Variants in NFIC observed in about 807,000 individuals in gnomAD.
The protein encoded by NFIC is nuclear factor 1 C-type.
In NFIC, 12 loss-of-function variants were observed where a neutral mutation model predicts 54.4. The ratio of observed to expected loss-of-function variants is 0.22; its 90% CI spans 0.14 to 0.36. The LOEUF (loss-of-function observed/expected upper bound fraction) is 0.36, where lower values mean the gene tolerates loss of function less well. Ranked by LOEUF, NFIC falls within the 10% of genes least tolerant of loss-of-function variation. NFIC has a pLI of 1.00. For synonymous variants in NFIC, 322 were observed against 319.2 expected, an observed-to-expected ratio of 1.01 and a Z score of -0.09; for missense variants, 575 against 718.2, an observed-to-expected ratio of 0.80 and a Z score of 2.28.
chr19:3,405,892 C>T (rs2081641235), intron 2 of NFIC, among the ~76,000 whole-genome samples: 1 of 150,174 alleles, frequency 6.7e-6, no homozygotes, highest in Non-Finnish European at 1.5e-5. Context: ...TGTGAGCCAC[C>T]GCGCCCGGCC....
chr19:3,408,153 C>T (rs933174308), intron 2 of NFIC, among the ~76,000 whole-genome samples: 9 of 151,984 alleles, frequency 5.9e-5, no homozygotes, highest in Admixed American at 2.6e-4. Context: ...CTCACGGTGG[C>T]GGCCGATGCT....
chr19:3,434,662 G>T (rs988582432), intron 5 of NFIC, among the ~76,000 whole-genome samples: 2 of 152,088 alleles, frequency 1.3e-5, no homozygotes, highest in East Asian at 1.9e-4. Context: ...CCACCCAGAA[G>T]AATGCAGACA....
At chr19:3,394,280 A>G (rs1171714218) in intron 2 of NFIC, among the ~76,000 whole-genome samples, 1 of 151,720 alleles carries the variant, frequency 6.6e-6, no homozygotes, top group Non-Finnish European at 1.5e-5. Context: ...GGAGTTTGAG[A>G]CCAGCCTGGC....
rs375318776 is a variant in NFIC, at chr19:3,449,129, C to G, written c.1074C>G (p.Ala358=). 1.2e-6 allele frequency: 2 copies of G among 1,613,124 alleles called. No homozygotes were observed. The highest frequency in any genetic ancestry group is 2.2e-5 in the East Asian group (1 of 44,852). Residue 358 remains alanine (A), a synonymous_variant, in exon 7 of 11, where the codon GCC becomes GCG. Coordinates refer to ENST00000443272, the MANE Select transcript of NFIC (RefSeq NM_001245002.2). ...CCCAGCACCACCGGCCCGTCATCGC[C>G]GTGCACAGCGGTAAGCGCCACGGGC... ...SFTQHHRPVI[A]VHSGIARSPH...
upstream of NFIC, chr19:3,366,556 C>CGG (rs1191836660): frequency 8.1e-6 from 4 of 493,186 alleles, no homozygotes; most frequent in Non-Finnish European, 1.2e-5. Context: ...TTGGGGGGGG[C>CGG]GGGGGGGTGG....
In NFIC at chr19:3,393,578, A is replaced by G. The variant is rs1341450091; in HGVS notation, c.562+11335A>G. On this transcript the variant is annotated intron_variant, in intron 2 of 10. Transcript: ENST00000443272. Reference sequence around the variant, plus strand: ...ACCTGTAATCCCAGCACTTTGGGAGACCGAGGAGGGCAGATCACTTGAGGT... The same window carrying G: ...ACCTGTAATCCCAGCACTTTGGGAGGCCGAGGAGGGCAGATCACTTGAGGT... 1.4e-4 allele frequency among the ~76,000 whole-genome samples: 21 copies of G among 151,794 alleles called. No individual in the cohort carries two copies. In the South Asian group the frequency reaches 3.6e-3, roughly 26 times the overall value.
Position 3,369,957 on chromosome 19 carries a change from C to T in NFIC, c.30+3291C>T, listed in dbSNP as rs998601104. ...GCTGCCATTTCTCCAGCAGGGTAAC[C>T]GAGGCTGGGAGAGGCTGTCCTCCCA... On this transcript the variant is annotated intron_variant, in intron 1 of 10. Transcript: ENST00000443272. This position sits in a 1 kb window ranked among gnomAD's most constrained non-coding sequence, Gnocchi z 4.3. 3.9e-5 allele frequency among the ~76,000 whole-genome samples: 6 copies of T among 152,192 alleles called. No homozygotes were observed. Among genetic ancestry groups the T allele is most frequent in the Non-Finnish European group, 7.3e-5 (5 of 68,028 alleles).
chr19:3,423,893 G>A (rs1289482848), intron 2 of NFIC, among the ~76,000 whole-genome samples: 3 of 152,232 alleles, frequency 2.0e-5, no homozygotes, highest in Admixed American at 6.5e-5. Context: ...GGGACGTGAC[G>A]TCTCCAGGAC....
chr19:3,456,529 C>G (rs755668673), intron 9 of NFIC, 21 bp from the exon 10 acceptor site: 1 of 1,550,520 alleles, frequency 6.4e-7, no homozygotes, highest in South Asian at 1.2e-5. Context: ...AACGGGCTCT[C>G]GGTCTCTCTC....
At chr19:3,422,369 A>C (rs2081965830) in intron 2 of NFIC, among the ~76,000 whole-genome samples, 2 of 150,382 alleles carry the variant, frequency 1.3e-5, no homozygotes, top group African/African-American at 4.9e-5. Context: ...CCACTGTGCC[A>C]CTGCCCCTGG....
At position 3,371,998 on chromosome 19, in the gene NFIC, C is replaced by CCTCCCT. The variant is rs1317268715; in HGVS notation, c.30+5335_30+5336insCCTCTC. On this transcript the variant is annotated intron_variant, in intron 1 of 10. Transcript: ENST00000443272. Reference sequence around the variant, plus strand: ...CTTTCTCTCTCTCTCCCTCTCTCTCCCTCTCTCTCTCTCTCTCTCTCTCTC... The same window carrying CCTCCCT: ...CTTTCTCTCTCTCTCCCTCTCTCTCCCTCCCTCTCTCTCTCTCTCTCTCTCTCTCTC... Among the ~76,000 whole-genome samples, 5 of 35,414 alleles carry CCTCCCT rather than the reference C, an allele frequency of 1.4e-4. No individual in the cohort carries two copies. In the East Asian group the frequency reaches 2.9e-3, roughly 20 times the overall value. The allele number at this position is 35,414 out of a possible 152,430, so 23.2% of individuals were successfully genotyped here. A position where few individuals can be genotyped will look rare whatever the true frequency, so the allele number is the denominator to read the frequency against.
chr19:3,439,967 C>T (rs1190097862), intron 6 of NFIC, among the ~76,000 whole-genome samples: 1 of 152,170 alleles, frequency 6.6e-6, no homozygotes, highest in East Asian at 1.9e-4. Flanking sequence ...GGATTACAGG[C>T]GTGAGCCACC....
chr19:3,372,899 C>T (rs899748204), intron 1 of NFIC, among the ~76,000 whole-genome samples: 1 of 151,718 alleles, frequency 6.6e-6, no homozygotes, highest in Admixed American at 6.6e-5. Flanking sequence ...GACTAGAGTG[C>T]AGTAGCACAA....
chr19:3,393,731 C>T (rs950283600), intron 2 of NFIC, among the ~76,000 whole-genome samples: 1 of 146,910 alleles, frequency 6.8e-6, no homozygotes, highest in Non-Finnish European at 1.5e-5. Flanking sequence ...ACAGGAGAAT[C>T]GCTTAAACCC....
intron 6 of NFIC, among the ~76,000 whole-genome samples, chr19:3,443,890 G>A (rs901547142): frequency 8.5e-5 from 13 of 152,312 alleles, no homozygotes; most frequent in Non-Finnish European, 1.8e-4. Context: ...TCAACGCCCC[G>A]TGGTCACTGC....
chr19:3,440,361 T>C (rs1381816406), intron 6 of NFIC, among the ~76,000 whole-genome samples: 1 of 151,642 alleles, frequency 6.6e-6, no homozygotes, highest in Non-Finnish European at 1.5e-5. Flanking sequence ...CCCTATAATA[T>C]AGCCAGAGGC....
At chr19:3,387,335 C>T (rs1004261580) in intron 2 of NFIC, among the ~76,000 whole-genome samples, 1 of 152,138 alleles carries the variant, frequency 6.6e-6, no homozygotes, top group Non-Finnish European at 1.5e-5. Context: ...AACCCCATCT[C>T]TACTAAAAAT....
At chr19:3,457,560 G>A (rs1048483620) in intron 10 of NFIC, among the ~76,000 whole-genome samples, 2 of 152,212 alleles carry the variant, frequency 1.3e-5, no homozygotes, top group Non-Finnish European at 2.9e-5. Flanking sequence ...GTGTTGGGGA[G>A]AGGGTTGGAG....
chr19:3,464,361 C>T lies in NFIC; in HGVS notation c.*1592C>T. The stretch of plus-strand genomic sequence containing the variant: ...TGCTAAGCGTTTTTCCGTTGAGCCG[C>T]TCCAAAAACACTAAGCTGGGGACGC... On this transcript the variant is annotated 3_prime_UTR_variant, in exon 11 of 11. Transcript: ENST00000443272. 1.0e-6 allele frequency: 1 copy of T among 985,136 alleles called. No homozygotes were observed. The highest frequency in any genetic ancestry group is 4.7e-5 in the South Asian group (1 of 21,284). The allele number at this position is 985,136 out of a possible 1,614,324, so 61.0% of individuals were successfully genotyped here.
Sources: allele counts gnomAD v4.1 joint callset (sites outside exome capture counted in the v4.1 genomes callset), GRCh38; gene constraint gnomAD v4.1.1; non-coding constraint Gnocchi (gnomAD v3.1); transcripts MANE v1.5; gene names NCBI Gene and HGNC (gene_info 2026-07-23, HGNC 2026-07-21).